Variants in COL6A1 observed in about 807,000 individuals in gnomAD.
COL6A1 encodes the protein collagen type VI alpha 1 chain, also known as collagen alpha-1(VI) chain.
A neutral mutation model predicts 145.6 loss-of-function variants in COL6A1; 80 were observed. That is an observed-to-expected ratio of 0.55 (90% confidence interval 0.46 to 0.66). The LOEUF (loss-of-function observed/expected upper bound fraction) is 0.66, where lower values mean the gene tolerates loss of function less well. COL6A1 is among the 30% of genes least tolerant of loss of function. The pLI, the probability that COL6A1 is intolerant of heterozygous loss-of-function variation, is 0.00. For synonymous variants in COL6A1, 638 were observed against 622.8 expected (o/e 1.02, Z -0.36); for missense variants, 1,364 against 1,473.8 (o/e 0.93, Z 1.22).
At position 46,002,205 on chromosome 21, in the gene COL6A1, C is replaced by T. The variant is rs1446100653; in HGVS notation, c.2067-13C>T. On this transcript the variant is annotated splice_polypyrimidine_tract_variant and intron_variant, in intron 31 of 34. Coordinates refer to ENST00000361866, the MANE Select transcript of COL6A1 (RefSeq NM_001848.3). ...CTGGCCCCAACCGGCCCTTCCTGCC[C>T]TTTGCTATGCAGAGCCATCAAGAGC... 2 of 1,595,300 alleles carry T rather than the reference C, an allele frequency of 1.3e-6. No individual in the cohort carries two copies. The highest frequency in any genetic ancestry group is 1.7e-6 in the Non-Finnish European group (2 of 1,174,530).
chr21:45,995,220 G>A lies in COL6A1; in HGVS notation c.1398+991G>A, dbSNP rs576336760. Reference sequence around the variant, plus strand: ...GGGCCGTTCGTCCACCTGGTCCTGCGTGCCGCTCACGGCAGGGGCAGAAAG... The same window carrying A: ...GGGCCGTTCGTCCACCTGGTCCTGCATGCCGCTCACGGCAGGGGCAGAAAG... On this transcript the variant is annotated intron_variant, in intron 20 of 34. Transcript: ENST00000361866. Among the ~76,000 whole-genome samples the A allele has an allele frequency of 2.3e-4, 35 of 152,382 alleles. No homozygotes were observed. The East Asian group carries it at 2.9e-3, about 13-fold the overall frequency.
In COL6A1 at chr21:46,002,308, G is replaced by A. The variant is rs377152990; in HGVS notation, c.2157G>A (p.Pro719=). 5.1e-5 allele frequency: 81 copies of A among 1,593,206 alleles called. No homozygotes were observed. The Middle Eastern group carries it at 6.6e-4, about 13-fold the overall frequency. ...GGGACCAGCTGCTGCCGCCCAGCCC[G>A]AACAACCGCATCGCCCTGGTCATCA... ...YTRDQLLPPS[P]NNRIALVITD... is the part of the protein sequence containing the mutation. The change falls in exon 32 of 35, where the codon CCG becomes CCA. Residue 719 remains proline (P), a synonymous_variant. Coordinates refer to ENST00000361866, the MANE Select transcript of COL6A1 (RefSeq NM_001848.3).
chr21:46,000,900 C>A, intron 29 of COL6A1, 133 bp downstream of exon 29: 2 of 1,144,354 alleles, frequency 1.7e-6, no homozygotes, highest in Non-Finnish European at 2.6e-6. Flanking sequence ...CTGCCCGCCC[C>A]CTCTGGGGCC....
intron 4 of COL6A1, 39 bp downstream of exon 4, chr21:45,986,724 A>C: frequency 6.5e-7 from 1 of 1,537,936 alleles, no homozygotes; most frequent in South Asian, 1.2e-5. Context: ...CCCCAACCAC[A>C]GGGAGTGGCG....
chr21:45,983,207 A>C lies in COL6A1; in HGVS notation c.227+444A>C, dbSNP rs534872590. On this transcript the variant is annotated intron_variant, in intron 2 of 34. Coordinates refer to ENST00000361866, the MANE Select transcript of COL6A1 (RefSeq NM_001848.3). ...GTGAGAGCCTCTACCTGGGTCCTGGATCCCACGTTCTGAAGGTCCCCGACT... is the reference window on the plus strand; with the variant it reads ...GTGAGAGCCTCTACCTGGGTCCTGGCTCCCACGTTCTGAAGGTCCCCGACT... 2.3e-3 allele frequency among the ~76,000 whole-genome samples: 349 copies of C among 152,220 alleles called. 1 individual carries two copies. Among genetic ancestry groups the C allele is most frequent in the Non-Finnish European group, 3.6e-3 (245 of 67,988 alleles).
chr21:45,992,770 C>T lies in COL6A1; in HGVS notation c.1295C>T (p.Pro432Leu). 1 of 1,600,626 alleles carries T rather than the reference C, an allele frequency of 6.2e-7. No individual in the cohort carries two copies. Among genetic ancestry groups the T allele is most frequent in the Non-Finnish European group, 8.5e-7 (1 of 1,174,354 alleles). The change falls in exon 19 of 35, where the codon CCA (proline) becomes CTA (leucine). Residue 432 changes from proline to leucine, a missense_variant. By Grantham distance (98) the Pro-to-Leu change is moderately conservative. Transcript: ENST00000361866. The part of the protein sequence containing the change: ...GERGGPGERG[P>L]RGTPGTRGPR... ...CAGGGTGGCCCTGGAGAGAGAGGACCACGGGGGACCCCAGGCACGCGGGGA... is the reference window on the plus strand; with the variant it reads ...CAGGGTGGCCCTGGAGAGAGAGGACTACGGGGGACCCCAGGCACGCGGGGA...
rs995532938 is a variant in COL6A1 at position 45,992,688 on chromosome 21, C to T, written c.1273-60C>T. 9.3e-6 allele frequency: 14 copies of T among 1,511,244 alleles called. No individual in the cohort carries two copies. The African/African-American group carries it at 1.7e-4, about 18-fold the overall frequency. The allele number at this position is 1,511,244 out of a possible 1,614,324, so 93.6% of individuals were successfully genotyped here. The stretch of plus-strand genomic sequence containing the variant: ...AGTCCAGGCCAGGCCTCAAGCCCCA[C>T]CCCAGCTGGGTGTGAGTTCCAGCAG... On this transcript the variant is annotated intron_variant, in intron 18 of 34. Transcript: ENST00000361866.
intron 5 of COL6A1, 21 bp from the exon 6 acceptor site, chr21:45,987,134 C>A: frequency 6.3e-7 from 1 of 1,594,014 alleles, no homozygotes; most frequent in Non-Finnish European, 8.5e-7. Flanking sequence ...AGTAATTCTG[C>A]GTTTCCATTT....
intron 29 of COL6A1, 72 bp downstream of exon 29, chr21:46,000,839 T>C (rs1422981382): frequency 6.3e-7 from 1 of 1,579,584 alleles, no homozygotes; most frequent in African/African-American, 1.3e-5. Context: ...GTCCCACACA[T>C]GTCACAGGAC....
Position 46,000,336 on chromosome 21 carries a change from C to G in COL6A1, c.1782C>G (p.Cys594Trp). The G allele has an allele frequency of 6.2e-7, 1 of 1,613,928 alleles. No individual in the cohort carries two copies. The highest frequency in any genetic ancestry group is 1.1e-5 in the South Asian group (1 of 91,088). ...CCTCGTCTCTCCCTCCCCAGGAATGCGAGATTTTGGACATCATCATGAAAA... is the reference window on the plus strand; with the variant it reads ...CCTCGTCTCTCCCTCCCCAGGAATGGGAGATTTTGGACATCATCATGAAAA... Reference protein sequence around the residue: ...GHQGPPGPDECEILDIIMKMC... With the variant: ...GHQGPPGPDEWEILDIIMKMC... Residue 594 changes from cysteine to tryptophan, a missense_variant, in exon 28 of 35, where the codon TGC (cysteine) becomes TGG (tryptophan). Physicochemically the swap from Cys to Trp is radical, Grantham distance 215. This residue lies in a region of COL6A1 where 938 missense variants were observed against 1,003.8 expected (regional missense o/e 0.93). Transcript: ENST00000361866.
rs1202525588 is a variant in COL6A1, at chr21:45,981,783, G to A, written c.-68G>A. On this transcript the variant is annotated 5_prime_UTR_variant, in exon 1 of 35. Transcript: ENST00000361866. ...CTGGCTGGGAGCAGAAGGCAGCCTC[G>A]GTCTCTGGGCGGCGGCGGCGGCCCA... The A allele has an allele frequency of 3.2e-6, 4 of 1,245,602 alleles. No individual in the cohort carries two copies. In the African/African-American group the frequency reaches 4.8e-5, roughly 15 times the overall value. 77.2% of individuals were successfully genotyped at this position (1,245,602 alleles called of 1,614,324 possible).
chr21:45,998,575 C>A, intron 24 of COL6A1, 142 bp downstream of exon 24: 1 of 1,173,726 alleles, frequency 8.5e-7, no homozygotes, highest in Non-Finnish European at 1.2e-6. Context: ...GCCCCACTGT[C>A]TGTGGCCACA....
At chr21:45,991,758 T>C (rs1330138242) in intron 15 of COL6A1, among the ~76,000 whole-genome samples, 1 of 152,184 alleles carries the variant, frequency 6.6e-6, no homozygotes, top group African/African-American at 2.4e-5. Flanking sequence ...CCTTCTCTAA[T>C]GGGAACCAAA....
In COL6A1 at chr21:45,991,907, A is replaced by C. The variant is rs941628105; in HGVS notation, c.1120-103A>C. On this transcript the variant is annotated intron_variant, in intron 15 of 34. Transcript: ENST00000361866. ...GGCTCAGACAGTGTTGGTCAGAGGG[A>C]GTGGCCTGAAGTATGGGTGAGAGGC... The C allele has an allele frequency of 8.0e-6, 9 of 1,118,936 alleles. No homozygotes were observed. In the African/African-American group the frequency reaches 1.2e-4, roughly 15 times the overall value. The allele number at this position is 1,118,936 out of a possible 1,614,324, so 69.3% of individuals were successfully genotyped here.
At chr21:45,999,355 C>A in intron 26 of COL6A1, 137 bp downstream of exon 26, 1 of 937,536 alleles carries the variant, frequency 1.1e-6, no homozygotes, top group Non-Finnish European at 1.7e-6. Context: ...ATCTGGGAGG[C>A]CCTGGGGGTG....
chr21:45,990,471 G>GTGGA (rs779167430), intron 13 of COL6A1, 49 bp downstream of exon 13: 17 of 319,176 alleles, frequency 5.3e-5, no homozygotes, highest in African/African-American at 2.6e-4. Flanking sequence ...GAGGAATGGG[G>GTGGA]CGAGATGGGG....
At position 45,992,597 on chromosome 21, in the gene COL6A1, G is replaced by A. The variant is rs760438; in HGVS notation, c.1273-151G>A. On this transcript the variant is annotated intron_variant, in intron 18 of 34. Coordinates refer to ENST00000361866, the MANE Select transcript of COL6A1 (RefSeq NM_001848.3). ...GGGACCTGGGGAACCAGGAGATTCC[G>A]GCCTCTGCAACCGTGGGGCATGCGG... 0.24 allele frequency: 247,325 copies of A among 1,023,458 alleles called. 32,656 individuals carry two copies. The highest frequency in any genetic ancestry group is 0.27 in the Non-Finnish European group (186,144 of 691,390). The allele number at this position is 1,023,458 out of a possible 1,614,324, so 63.4% of individuals were successfully genotyped here. A position where few individuals can be genotyped will look rare whatever the true frequency, so the allele number is the denominator to read the frequency against.
intron 22 of COL6A1, 71 bp downstream of exon 22, chr21:45,997,833 G>A (rs1157325543): frequency 1.4e-5 from 21 of 1,468,886 alleles, no homozygotes; most frequent in South Asian, 2.5e-5. Flanking sequence ...CCCCAGCCCC[G>A]CACTGTGGAG....
At chr21:45,999,730 C>T (rs1040092223) in intron 27 of COL6A1, 38 bp downstream of exon 27, 2 of 1,584,224 alleles carry the variant, frequency 1.3e-6, no homozygotes, top group Middle Eastern at 1.7e-4. Flanking sequence ...GGGGCGACCA[C>T]TGTAGCTTCC....
Sources: gnomAD v4.1 joint callset for allele counts (sites outside exome capture counted in the v4.1 genomes callset) on GRCh38, gnomAD v4.1.1 for gene constraint, gnomAD v4.1.1 regional missense constraint, MANE v1.5 for transcripts, NCBI Gene and HGNC (gene_info 2026-07-23, HGNC 2026-07-21) for gene names.